YAF2: variants seen among roughly 807,000 people sequenced by gnomAD.
YAF2 encodes the protein YY1 associated factor 2, also known as YY1-associated factor 2.
YAF2 carries 7 observed loss-of-function variants against 20.1 expected under a neutral mutation model. That is an observed-to-expected ratio of 0.35 (90% CI 0.20 to 0.65). The LOEUF (loss-of-function observed/expected upper bound fraction) is 0.65. YAF2 is among the 30% of genes least tolerant of loss of function. The probability of loss-of-function intolerance (pLI) is 0.69; values close to 1 mark genes in which losing one functional copy is unlikely to be tolerated. For synonymous variants in YAF2, 74 were observed against 76.0 expected, an observed-to-expected ratio of 0.97 and a Z score of 0.14; for missense variants, 151 against 219.2, an observed-to-expected ratio of 0.69 and a Z score of 1.96.
intron 2 of YAF2, among the ~76,000 whole-genome samples, chr12:42,198,374 A>C (rs1243393739): frequency 6.6e-6 from 1 of 152,192 alleles, no homozygotes; most frequent in Non-Finnish European, 1.5e-5. Flanking sequence ...CTTTGAGCTC[A>C]GGAGTTTGAG....
rs184127566 is a variant in YAF2 at position 42,181,329 on chromosome 12, C to T, written c.153-19564G>A. On this transcript the variant is annotated intron_variant, in intron 2 of 3. Coordinates refer to ENST00000534854, the MANE Select transcript of YAF2 (RefSeq NM_005748.6). ...TCCTTACTACTTCTCCTACTGCTTT[C>T]CCTCTACTTCCTGCCCTGGTGCTGG... Among the ~76,000 whole-genome samples the T allele has an allele frequency of 1.4e-4, 22 of 152,348 alleles. 1 individual carries two copies. In the East Asian group the frequency reaches 3.9e-3, roughly 27 times the overall value.
chr12:42,205,945 A>AT (rs2067029021), intron 2 of YAF2: 1 of 380,612 alleles, frequency 2.6e-6, no homozygotes, highest in Non-Finnish European at 5.2e-6. Context: ...ATTCTTAATC[A>AT]TTTTTCCTTT....
At position 42,235,695 on chromosome 12, in the gene YAF2, T is replaced by C. The variant is rs1417141621; in HGVS notation, c.152+1904A>G. The C allele has an allele frequency of 2.0e-6, 3 of 1,532,326 alleles. No homozygotes were observed. The South Asian group carries it at 3.6e-5, about 18-fold the overall frequency. The allele number at this position is 1,532,326 out of a possible 1,614,324, so 94.9% of individuals were successfully genotyped here. A position where few individuals can be genotyped will look rare whatever the true frequency, so the allele number is the denominator to read the frequency against. On this transcript the variant is annotated intron_variant, in intron 2 of 3. Transcript: ENST00000534854. ...TTCAATCCAAATGACAATGCTTCTC[T>C]GAGTCCTCCTCAAGTAATGTTTCCA...
At chr12:42,195,763 G>C (rs543104885) in intron 2 of YAF2, among the ~76,000 whole-genome samples, 1 of 152,254 alleles carries the variant, frequency 6.6e-6, no homozygotes, top group South Asian at 2.1e-4. Flanking sequence ...GTTGAGACTG[G>C]GTTAAATTCA....
At chr12:42,225,207 A>AT (rs1397207850) in intron 2 of YAF2, among the ~76,000 whole-genome samples, 1 of 151,914 alleles carries the variant, frequency 6.6e-6, no homozygotes, top group Admixed American at 6.6e-5. Context: ...CCACTTTTTG[A>AT]TGGGGTTGTT....
chr12:42,235,578 GA>G, intron 2 of YAF2: 1 of 1,414,010 alleles, frequency 7.1e-7, no homozygotes, highest in Non-Finnish European at 9.2e-7. Context: ...AGAGAGGAAG[GA>G]AGAAGCTGAG....
intron 2 of YAF2, among the ~76,000 whole-genome samples, chr12:42,226,625 C>G (rs2067708153): frequency 6.6e-6 from 1 of 152,156 alleles, no homozygotes; most frequent in Admixed American, 6.5e-5. Context: ...ATCCACACCA[C>G]TGCACTCCAC....
intron 2 of YAF2, among the ~76,000 whole-genome samples, chr12:42,168,804 C>T (rs1565599695): frequency 6.6e-6 from 1 of 151,838 alleles, no homozygotes; most frequent in Admixed American, 6.6e-5. Context: ...AGATGGCCTG[C>T]CTAAATATTT....
chr12:42,173,890 T>C (rs1387611726), intron 2 of YAF2, among the ~76,000 whole-genome samples: 1 of 152,138 alleles, frequency 6.6e-6, no homozygotes, highest in Non-Finnish European at 1.5e-5. Context: ...TCGATTAGAA[T>C]GTCCACAGCC....
intron 2 of YAF2, among the ~76,000 whole-genome samples, chr12:42,236,844 ACTGACTGAATTTC>A (rs1203889796): frequency 2.0e-5 from 3 of 152,234 alleles, no homozygotes; most frequent in Non-Finnish European, 4.4e-5. Flanking sequence ...TAAGAATGCC[ACTGACTGAATTTC>A]CTGGATGATT....
At chr12:42,209,407 T>TA (rs1034506188) in intron 2 of YAF2, among the ~76,000 whole-genome samples, 5 of 151,040 alleles carry the variant, frequency 3.3e-5, no homozygotes, top group Non-Finnish European at 5.9e-5. Context: ...CTATAAAAAA[T>TA]AAAAAAATTA....
chr12:42,172,323 A>G (rs535406803), intron 2 of YAF2: 38 of 152,360 alleles, frequency 2.5e-4, no homozygotes, highest in African/African-American at 8.9e-4. Flanking sequence ...ATTATAAATT[A>G]TTATAATTTG....
intron 2 of YAF2, 76 bp downstream of exon 2, chr12:42,237,523 G>C: frequency 7.1e-7 from 1 of 1,406,860 alleles, no homozygotes; most frequent in Non-Finnish European, 9.3e-7. Flanking sequence ...GTCATGGGAG[G>C]GGGCGGCAGC....
At chr12:42,228,126 C>A (rs1479406838) in intron 2 of YAF2, among the ~76,000 whole-genome samples, 4 of 82,560 alleles carry the variant, frequency 4.8e-5, no homozygotes, top group South Asian at 5.3e-4. Context: ...CCCGGCCAGC[C>A]GCCCCGTCCG....
chr12:42,174,114 A>C (rs1240063936), intron 2 of YAF2, among the ~76,000 whole-genome samples: 4 of 152,026 alleles, frequency 2.6e-5, no homozygotes, highest in East Asian at 1.9e-4. Context: ...AAAAAAAAAA[A>C]AACTCTTTCC....
chr12:42,177,187 C>CTATGTGA (rs1229436086), intron 2 of YAF2, among the ~76,000 whole-genome samples: 3 of 152,206 alleles, frequency 2.0e-5, no homozygotes, highest in Non-Finnish European at 4.4e-5. Flanking sequence ...CCACAAGTCT[C>CTATGTGA]TATGTGATAT....
chr12:42,238,086 C>G, intron 1 of YAF2, 69 bp downstream of exon 1: 1 of 1,298,636 alleles, frequency 7.7e-7, no homozygotes, highest in South Asian at 2.1e-5. Flanking sequence ...AGCGAGGCGG[C>G]CACCCGAAGC....
chr12:42,179,120 G>C (rs1304245189), intron 2 of YAF2, among the ~76,000 whole-genome samples: 1 of 152,140 alleles, frequency 6.6e-6, no homozygotes, highest in Non-Finnish European at 1.5e-5. Flanking sequence ...ACTTAGACTG[G>C]GATAGAGCCC....
At chr12:42,180,879 C>T (rs1285548969) in intron 2 of YAF2, among the ~76,000 whole-genome samples, 3 of 152,072 alleles carry the variant, frequency 2.0e-5, no homozygotes, top group Non-Finnish European at 4.4e-5. Flanking sequence ...ATCCAAGAGA[C>T]GGAGGTTGCA....
Sources: gnomAD v4.1 joint callset for allele counts (sites outside exome capture counted in the v4.1 genomes callset) on GRCh38, gnomAD v4.1.1 for gene constraint, MANE v1.5 for transcripts, NCBI Gene and HGNC (gene_info 2026-07-23, HGNC 2026-07-21) for gene names.